Variants in ALMS1 observed in about 807,000 individuals in gnomAD.
ALMS1 encodes centrosome-associated protein ALMS1.
Under a neutral mutation model 352.2 loss-of-function variants are expected in ALMS1, and 271 were observed. The observed-to-expected ratio is 0.77, with a 90% CI of 0.70 to 0.85. The LOEUF is 0.85. ALMS1 is among the 40% of genes least tolerant of loss of function. The pLI, the probability that ALMS1 is intolerant of heterozygous loss-of-function variation, is 0.00. For synonymous variants in ALMS1, 1,865 were observed against 1,761.2 expected (o/e 1.06, Z -1.48); for missense variants, 5,445 against 4,870.7 (o/e 1.12, Z -3.51).
chr2:73,393,563 C>T (rs1670695678), intron 1 of ALMS1, among the ~76,000 whole-genome samples: 1 of 152,184 alleles, frequency 6.6e-6, no homozygotes, highest in South Asian at 2.1e-4. Context: ...CACTCTCACA[C>T]TCCCCACCCT....
Position 73,453,454 on chromosome 2 carries a change from G to C in ALMS1, c.6927G>C (p.Thr2309=). The C allele has an allele frequency of 6.2e-7, 1 of 1,612,846 alleles. No homozygotes were observed. The highest frequency in any genetic ancestry group is 8.5e-7 in the Non-Finnish European group (1 of 1,179,460). ...KVVCFKEPSS[T]GVSNGDLLHR... ...TTTGCTTCAAAGAACCCTCTTCCAC[G>C]GGTGTATCTAATGGTGATTTGCTTC... is the stretch of plus-strand genomic sequence containing the variant. Residue 2309 remains threonine, a synonymous_variant, in exon 8 of 23, where the codon ACG becomes ACC. Coordinates refer to ENST00000613296, the MANE Select transcript of ALMS1 (RefSeq NM_001378454.1).
intron 6 of ALMS1, among the ~76,000 whole-genome samples, chr2:73,427,229 A>G (rs1671398854): frequency 6.6e-6 from 1 of 152,178 alleles, no homozygotes; most frequent in Admixed American, 6.5e-5. Context: ...ATATTTAAGT[A>G]TTTCTGTTTA....
chr2:73,590,747 C>T (rs1389969269), intron 16 of ALMS1, among the ~76,000 whole-genome samples: 31 of 141,704 alleles, frequency 2.2e-4, no homozygotes, highest in East Asian at 4.5e-4. Flanking sequence ...GGAAAGATCT[C>T]GGCTCACTGC....
intron 14 of ALMS1, among the ~76,000 whole-genome samples, chr2:73,558,232 G>A (rs1558693694): frequency 6.6e-6 from 1 of 152,184 alleles, no homozygotes; most frequent in Non-Finnish European, 1.5e-5. Context: ...GTGGATATTA[G>A]AGGACAGATA....
chr2:73,480,323 G>A (rs1449166103), intron 9 of ALMS1, among the ~76,000 whole-genome samples: 5 of 151,858 alleles, frequency 3.3e-5, no homozygotes, highest in African/African-American at 9.7e-5. Flanking sequence ...GAGAATATGC[G>A]GTGTTTGCTT....
intron 1 of ALMS1, among the ~76,000 whole-genome samples, chr2:73,406,752 A>C (rs981921467): frequency 2.0e-5 from 3 of 152,138 alleles, no homozygotes; most frequent in Admixed American, 1.3e-4. Context: ...TAGTCTCCCA[A>C]GTAGCTGGGA....
chr2:73,492,860 C>T (rs1232125630), intron 10 of ALMS1, among the ~76,000 whole-genome samples: 3 of 152,028 alleles, frequency 2.0e-5, no homozygotes, highest in Admixed American at 6.5e-5. Flanking sequence ...GCCTCAGCCA[C>T]CTGAATAGCT....
At chr2:73,411,345 C>T (rs1040095914) in intron 2 of ALMS1, among the ~76,000 whole-genome samples, 1 of 152,194 alleles carries the variant, frequency 6.6e-6, no homozygotes, top group East Asian at 1.9e-4. Flanking sequence ...GGGAGCATGA[C>T]CCTGCCAACA....
At chr2:73,552,984 A>G (rs1308229033) in intron 13 of ALMS1, among the ~76,000 whole-genome samples, 1 of 152,204 alleles carries the variant, frequency 6.6e-6, no homozygotes, top group African/African-American at 2.4e-5. Context: ...TAGAGAAGGC[A>G]AAAAAGAAAG....
At chr2:73,556,154 A>G (rs567757966) in intron 13 of ALMS1, among the ~76,000 whole-genome samples, 23 of 152,302 alleles carry the variant, frequency 1.5e-4, no homozygotes, top group African/African-American at 5.1e-4. Flanking sequence ...TTTGTTGCCT[A>G]TATTTTTGGT....
intron 12 of ALMS1, among the ~76,000 whole-genome samples, chr2:73,542,098 A>T (rs1353040615): frequency 6.6e-6 from 1 of 152,226 alleles, no homozygotes. Flanking sequence ...TCCCTGATAA[A>T]CATTGATGCA....
At chr2:73,560,996 G>C (rs889183378) in intron 15 of ALMS1, among the ~76,000 whole-genome samples, 14 of 152,226 alleles carry the variant, frequency 9.2e-5, no homozygotes, top group Admixed American at 8.5e-4. Flanking sequence ...TTCACAAAAG[G>C]GGATGGGCTA....
chr2:73,588,787 A>C (rs1208553964), intron 16 of ALMS1, among the ~76,000 whole-genome samples: 1 of 152,204 alleles, frequency 6.6e-6, no homozygotes, highest in African/African-American at 2.4e-5. Flanking sequence ...TCCATGAGAA[A>C]AGAAAATGAG....
intron 16 of ALMS1, among the ~76,000 whole-genome samples, chr2:73,592,201 G>A (rs1026338252): frequency 2.0e-5 from 3 of 152,266 alleles, no homozygotes; most frequent in Admixed American, 6.5e-5. Flanking sequence ...ATTTTCTGAG[G>A]AAGATTTTCC....
chr2:73,456,787 C>T (rs1672075644), intron 9 of ALMS1: 1 of 152,096 alleles, frequency 6.6e-6, no homozygotes, highest in South Asian at 2.1e-4. Context: ...GTCTTAGCAC[C>T]ATTTGTATAT....
intron 1 of ALMS1, among the ~76,000 whole-genome samples, chr2:73,388,687 A>G (rs771770566): frequency 2.0e-5 from 3 of 152,228 alleles, no homozygotes; most frequent in Non-Finnish European, 4.4e-5. Flanking sequence ...CACAATGTAT[A>G]TTAATACATA....
chr2:73,516,861 C>A (rs762959449), intron 10 of ALMS1, among the ~76,000 whole-genome samples: 15 of 152,074 alleles, frequency 9.9e-5, no homozygotes, highest in Non-Finnish European at 1.9e-4. Flanking sequence ...TTTAAAAGTT[C>A]TCTCCCTCAA....
chr2:73,386,109 C>A lies in ALMS1; in HGVS notation c.241C>A (p.Gln81Lys), dbSNP rs778264668. The change falls in exon 1 of 23, where the codon CAG becomes AAG. Residue 81 changes from glutamine to lysine, a missense_variant. Coordinates refer to ENST00000613296, the MANE Select transcript of ALMS1 (RefSeq NM_001378454.1). ...EEDEEAKAWL[Q>K]AHPGRILPPL... Reference sequence around the variant, plus strand: ...GGACGAGGAGGCCAAGGCCTGGCTGCAGGCGCACCCCGGCAGGATTTTGCC... The same window carrying A: ...GGACGAGGAGGCCAAGGCCTGGCTGAAGGCGCACCCCGGCAGGATTTTGCC... 2.5e-6 allele frequency: 4 copies of A among 1,588,254 alleles called. No individual in the cohort carries two copies. The highest frequency in any genetic ancestry group is 3.4e-6 in the Non-Finnish European group (4 of 1,168,020).
At position 73,435,284 on chromosome 2, in the gene ALMS1, C is replaced by T. The variant is rs75168888; in HGVS notation, c.1432+2993C>T. ...GATTGGATTCACATTTTCTGGCTTACGTTTGGTTTTTCATGTGTCTTGTGT... is the reference window on the plus strand; with the variant it reads ...GATTGGATTCACATTTTCTGGCTTATGTTTGGTTTTTCATGTGTCTTGTGT... On this transcript the variant is annotated intron_variant, in intron 7 of 22. Transcript: ENST00000613296. 9.9e-3 allele frequency among the ~76,000 whole-genome samples: 1,513 copies of T among 152,138 alleles called. 29 individuals are homozygous for T. The highest frequency in any genetic ancestry group is 0.034 in the African/African-American group (1,418 of 41,490).
Sources: allele counts gnomAD v4.1 joint callset (sites outside exome capture counted in the v4.1 genomes callset), GRCh38; gene constraint gnomAD v4.1.1; transcripts MANE v1.5; gene names NCBI Gene and HGNC (gene_info 2026-07-23, HGNC 2026-07-21).